The following RYR1 variants were observed in gnomAD, a reference collection of about 807,000 sequenced individuals.
RYR1 encodes ryanodine receptor 1.
A neutral mutation model predicts 583.5 loss-of-function variants in RYR1; 342 were observed. That is an observed-to-expected ratio of 0.59 (90% CI 0.54 to 0.64). The LOEUF (loss-of-function observed/expected upper bound fraction) is 0.64, where lower values mean the gene tolerates loss of function less well. Among genes scored for constraint, RYR1 ranks in the 30% least tolerant of loss-of-function variants. The pLI is 0.00. For missense variants in RYR1, 6,032 were observed against 6,917.2 expected (o/e 0.87, Z 4.54); for synonymous variants, 2,791 against 2,822.5 (o/e 0.99, Z 0.35).
chr19:38,502,465 A>G, intron 47 of RYR1, 42 bp from the exon 48 acceptor site: 1 of 1,559,172 alleles, frequency 6.4e-7, no homozygotes, highest in East Asian at 2.3e-5. Context: ...GAGCAGCCCC[A>G]GGGGTGTGCA....
At position 38,570,592 on chromosome 19, in the gene RYR1, T is replaced by C; in HGVS notation, c.13660-15T>C. The C allele has an allele frequency of 6.2e-7, 1 of 1,607,260 alleles. No individual in the cohort carries two copies. Among genetic ancestry groups the C allele is most frequent in the Admixed American group, 1.7e-5 (1 of 60,008 alleles). ...GATCTGTGAGCGCTTTCTCTCTTTT[T>C]CTCTTCTCTCTCAGAACTACCTGTC... is the stretch of plus-strand genomic sequence containing the variant. On this transcript the variant is annotated splice_polypyrimidine_tract_variant and intron_variant, in intron 93 of 105. Coordinates refer to ENST00000359596, the MANE Select transcript of RYR1 (RefSeq NM_000540.3).
chr19:38,587,494 C>G lies in RYR1; in HGVS notation c.*74C>G. On this transcript the variant is annotated 3_prime_UTR_variant, in exon 106 of 106. Transcript: ENST00000359596. ...CAGCAAGCCCCTTAGTCCCCAAGCC[C>G]CTCCCCCTAAGGCAGCTGGGGGAGA... 9.3e-7 allele frequency: 1 copy of G among 1,080,962 alleles called. No homozygotes were observed. Among genetic ancestry groups the G allele is most frequent in the Non-Finnish European group, 1.4e-6 (1 of 699,130 alleles). 67.0% of individuals were successfully genotyped at this position (1,080,962 alleles called of 1,614,324 possible).
intron 29 of RYR1, among the ~76,000 whole-genome samples, chr19:38,476,362 C>A (rs1015617050): frequency 6.6e-6 from 1 of 152,128 alleles, no homozygotes; most frequent in Non-Finnish European, 1.5e-5. Context: ...CCATGCCCGG[C>A]TAATTTTTGT....
In RYR1 at chr19:38,507,830, A is replaced by G; in HGVS notation, c.8932+3A>G. ...TCAGGAGTTCATTGCCCACCTGGGT[A>G]CGGAGAAATACCCCCCGCTTATGCC... On this transcript the variant is annotated splice_donor_region_variant and intron_variant, in intron 58 of 105. Transcript: ENST00000359596. 6.3e-7 allele frequency: 1 copy of G among 1,587,938 alleles called. No homozygotes were observed. Among genetic ancestry groups the G allele is most frequent in the Non-Finnish European group, 8.6e-7 (1 of 1,159,590 alleles).
At chr19:38,553,158 C>T (rs1375135448) in intron 89 of RYR1, among the ~76,000 whole-genome samples, 1 of 150,972 alleles carries the variant, frequency 6.6e-6, no homozygotes, top group African/African-American at 2.4e-5. Flanking sequence ...CATGGCGAAC[C>T]TCCCCATCTC....
At chr19:38,469,189 C>T (rs1306128912) in intron 26 of RYR1, 49 bp downstream of exon 26, 3 of 1,611,520 alleles carry the variant, frequency 1.9e-6, no homozygotes, top group East Asian at 2.2e-5. Context: ...TCCTCTGTCT[C>T]TCCCAACCCT....
intron 1 of RYR1, among the ~76,000 whole-genome samples, chr19:38,434,274 C>T (rs1972327829): frequency 6.6e-6 from 1 of 152,086 alleles, no homozygotes; most frequent in Admixed American, 6.6e-5. Flanking sequence ...GCTCCAGACT[C>T]TGACCTATTT....
At chr19:38,532,967 C>T (rs1172972616) in intron 78 of RYR1, among the ~76,000 whole-genome samples, 1 of 151,488 alleles carries the variant, frequency 6.6e-6, no homozygotes, top group Non-Finnish European at 1.5e-5. Flanking sequence ...GAGGCTCAGG[C>T]AGAGGGGTCA....
chr19:38,545,251 T>C (rs929435209), intron 87 of RYR1, among the ~76,000 whole-genome samples: 5 of 152,108 alleles, frequency 3.3e-5, no homozygotes, highest in African/African-American at 9.7e-5. Context: ...GATGGGGGAC[T>C]CCGCAGGTGA....
At chr19:38,586,430 G>T in intron 104 of RYR1, 95 bp from the exon 105 acceptor site, 2 of 1,329,980 alleles carry the variant, frequency 1.5e-6, no homozygotes, top group Non-Finnish European at 2.2e-6. Flanking sequence ...AGACCAGCTT[G>T]GGCAACATAG....
chr19:38,553,852 C>T (rs1004796), intron 89 of RYR1, among the ~76,000 whole-genome samples: 3,456 of 152,278 alleles, frequency 0.023, 95 homozygotes, highest in Admixed American at 0.073. Flanking sequence ...GGTATAACAT[C>T]ACTGGTCTGC....
At position 38,443,830 on chromosome 19, in the gene RYR1, G is replaced by C. The variant is rs369743611; in HGVS notation, c.424+34G>C. The stretch of plus-strand genomic sequence containing the variant: ...GCTGGAGGGGATGGGGGTGTGAAGG[G>C]GCCCCGCAGCAGGGATTCAGGGGGT... On this transcript the variant is annotated intron_variant, in intron 5 of 105. Transcript: ENST00000359596. 4.4e-6 allele frequency: 7 copies of C among 1,605,894 alleles called. No homozygotes were observed. In the African/African-American group the frequency reaches 8.0e-5, roughly 18 times the overall value.
intron 9 of RYR1, among the ~76,000 whole-genome samples, chr19:38,447,059 TAAATA>T (rs1266992126): frequency 4.6e-5 from 7 of 151,578 alleles, no homozygotes; most frequent in Admixed American, 6.6e-5. Context: ...TAAAATAAAA[TAAATA>T]AAATAAAGAA....
rs182004703 is a variant in RYR1 at position 38,473,637 on chromosome 19, C to A, written c.4026C>A (p.Ser1342Arg). ...ENLRRSAGGW[S>R]EAENGKEGTA... ...TGCGCCGCTCAGCTGGGGGCTGGAG[C>A]GAGGCAGAGAACGGCAAAGAAGGGA... Residue 1342 changes from serine to arginine, a missense_variant, in exon 28 of 106, where the codon AGC becomes AGA. Transcript: ENST00000359596. 3.2e-4 allele frequency: 504 copies of A among 1,560,414 alleles called. No homozygotes were observed. Among genetic ancestry groups the A allele is most frequent in the Non-Finnish European group, 2.4e-4 (276 of 1,152,408 alleles).
intron 9 of RYR1, among the ~76,000 whole-genome samples, chr19:38,448,108 G>A (rs901519480): frequency 1.3e-5 from 2 of 151,806 alleles, no homozygotes; most frequent in Non-Finnish European, 2.9e-5. Flanking sequence ...CTGGAAGAGG[G>A]TTCGGGGCTT....
In RYR1 at chr19:38,504,874, GA is replaced by G. The variant is rs1600844997; in HGVS notation, c.8196del (p.Gly2733AlafsTer13). 17 of 1,614,170 alleles carry G rather than the reference GA, an allele frequency of 1.1e-5. No individual in the cohort carries two copies. The highest frequency in any genetic ancestry group is 1.3e-5 in the Non-Finnish European group (15 of 1,180,022). On this transcript the variant is annotated frameshift_variant, in exon 51 of 106. Coordinates refer to ENST00000359596, the MANE Select transcript of RYR1 (RefSeq NM_000540.3). LOFTEE classifies it high-confidence loss of function. ...KAEKKATVDA[E>X]GNFDPRPVET... ...AGAGAAAAAGGCCACAGTGGATGCT[GA>G]AGGCAACTTTGATCCCCGGCCTGTG...
At chr19:38,560,724 C>T (rs1305615947) in intron 89 of RYR1, among the ~76,000 whole-genome samples, 43 of 95,274 alleles carry the variant, frequency 4.5e-4, no homozygotes, top group African/African-American at 1.6e-3. Flanking sequence ...AGCGAAACTC[C>T]GTCTCAAAAA....
At chr19:38,463,987 T>C (rs149654295) in intron 22 of RYR1, 137 bp downstream of exon 22, 1 of 741,268 alleles carries the variant, frequency 1.3e-6, no homozygotes, top group African/African-American at 1.7e-5. Context: ...CATAAACAAA[T>C]GGGGAGTGGC....
At chr19:38,531,773 G>T (rs1431468447) in intron 76 of RYR1, among the ~76,000 whole-genome samples, 1 of 152,098 alleles carries the variant, frequency 6.6e-6, no homozygotes, top group Admixed American at 6.5e-5. Flanking sequence ...AGGTGTGTTG[G>T]TATGTGCCTG....
Sources: allele counts gnomAD v4.1 joint callset (sites outside exome capture counted in the v4.1 genomes callset), GRCh38; gene constraint gnomAD v4.1.1; transcripts MANE v1.5; gene names NCBI Gene and HGNC (gene_info 2026-07-23, HGNC 2026-07-21).